PRELID2: variants seen among roughly 807,000 people sequenced by gnomAD.
PRELID2 encodes the protein PRELI domain-containing protein 2.
In PRELID2, 25 loss-of-function variants were observed where a neutral mutation model predicts 28.4. That is an observed-to-expected ratio of 0.88 (90% CI 0.64 to 1.23). PRELID2 has a LOEUF of 1.23. PRELID2 is among the 50% of genes most tolerant of loss of function. The probability of loss-of-function intolerance (pLI) is 0.00; values close to 1 mark genes in which losing one functional copy is unlikely to be tolerated. For synonymous variants in PRELID2, 76 were observed against 71.6 expected, an observed-to-expected ratio of 1.06 and a Z score of -0.31; for missense variants, 201 against 214.4, an observed-to-expected ratio of 0.94 and a Z score of 0.39.
intron 5 of PRELID2, among the ~76,000 whole-genome samples, chr5:145,779,624 A>G (rs1329292527): frequency 6.6e-6 from 1 of 152,214 alleles, no homozygotes; most frequent in Admixed American, 6.5e-5. Flanking sequence ...ACTAGAAGGA[A>G]ATACGCCAAT....
At chr5:145,825,581 A>G (rs962169718) in intron 1 of PRELID2, among the ~76,000 whole-genome samples, 2 of 152,234 alleles carry the variant, frequency 1.3e-5, no homozygotes, top group Non-Finnish European at 2.9e-5. Flanking sequence ...ACTAAACTAT[A>G]AAAGACGTTG....
At chr5:145,580,801 A>AC (rs1471951834) in intron 1 of PRELID2, among the ~76,000 whole-genome samples, 1 of 151,956 alleles carries the variant, frequency 6.6e-6, no homozygotes, top group African/African-American at 2.4e-5. Flanking sequence ...CAGGATATCC[A>AC]CCCGAAGATA....
the PRELID2 span, among the ~76,000 whole-genome samples, chr5:145,250,986 A>G: frequency 4.6e-5 from 7 of 152,282 alleles, no homozygotes; most frequent in African/African-American, 1.7e-4. Context: ...TCAGAAAAAT[A>G]AAAGTTATTT....
At chr5:145,289,893 A>G in the PRELID2 span, among the ~76,000 whole-genome samples, 3 of 152,084 alleles carry the variant, frequency 2.0e-5, no homozygotes, top group Admixed American at 2.0e-4. Flanking sequence ...TGGCATTTGT[A>G]TATGTTTTTT....
intron 1 of PRELID2, among the ~76,000 whole-genome samples, chr5:145,515,969 T>C (rs779925397): frequency 7.9e-5 from 12 of 152,112 alleles, no homozygotes; most frequent in Non-Finnish European, 1.8e-4. Context: ...CTCAATAAAC[T>C]AGGTATCGAT....
At chr5:145,528,644 A>G (rs1580968803) in intron 1 of PRELID2, among the ~76,000 whole-genome samples, 1 of 151,802 alleles carries the variant, frequency 6.6e-6, no homozygotes, top group African/African-American at 2.4e-5. Context: ...AGCCATAGAC[A>G]ATCAAAATGC....
intron 1 of PRELID2, 127 bp downstream of exon 1, chr5:145,835,050 C>T: frequency 1.5e-6 from 1 of 662,082 alleles, no homozygotes; most frequent in South Asian, 1.9e-5. Context: ...ACCCACACAT[C>T]CCTGAAGCAA....
At chr5:145,806,342 C>CA (rs1753507262) in intron 4 of PRELID2, among the ~76,000 whole-genome samples, 1 of 151,880 alleles carries the variant, frequency 6.6e-6, no homozygotes, top group Non-Finnish European at 1.5e-5. Flanking sequence ...GTTAAAAACA[C>CA]AAAAACACAC....
intron 1 of PRELID2, among the ~76,000 whole-genome samples, chr5:145,639,699 TG>T (rs1754064845): frequency 6.6e-6 from 1 of 152,204 alleles, no homozygotes; most frequent in Non-Finnish European, 1.5e-5. Context: ...TGCGTTGGGT[TG>T]GGCCTAAGGG....
chr5:145,249,937 G>GTCTCTCTCTCTC, the PRELID2 span, among the ~76,000 whole-genome samples: 11 of 138,610 alleles, frequency 7.9e-5, no homozygotes, highest in African/African-American at 2.9e-4. Context: ...CTCTCTCTCT[G>GTCTCTCTCTCTC]TCTCTCTCTC....
chr5:145,232,089 G>T, the PRELID2 span, among the ~76,000 whole-genome samples: 1 of 152,194 alleles, frequency 6.6e-6, no homozygotes, highest in Non-Finnish European at 1.5e-5. Context: ...CTAGTGTCTC[G>T]TGTAGAGGTT....
intron 1 of PRELID2, among the ~76,000 whole-genome samples, chr5:145,597,732 A>T (rs1357188062): frequency 2.0e-5 from 3 of 152,210 alleles, no homozygotes; most frequent in African/African-American, 7.2e-5. Flanking sequence ...TCAGAAGGGC[A>T]GGTGAATCTT....
At chr5:145,531,954 T>TA (rs1442187354) in intron 1 of PRELID2, among the ~76,000 whole-genome samples, 1 of 152,192 alleles carries the variant, frequency 6.6e-6, no homozygotes, top group African/African-American at 2.4e-5. Flanking sequence ...GGTTTGCTCC[T>TA]AAGTAAAATG....
chr5:145,426,670 G>T, the PRELID2 span, among the ~76,000 whole-genome samples: 5 of 151,882 alleles, frequency 3.3e-5, no homozygotes, highest in East Asian at 9.7e-4. Context: ...CCTATTGTTG[G>T]GATTGCTATT....
chr5:145,383,808 A>C, the PRELID2 span, among the ~76,000 whole-genome samples: 3 of 152,014 alleles, frequency 2.0e-5, no homozygotes, highest in East Asian at 5.8e-4. Flanking sequence ...AAAGAGGACC[A>C]CAGATTGGCA....
chr5:145,319,008 T>G, the PRELID2 span, among the ~76,000 whole-genome samples: 38 of 152,278 alleles, frequency 2.5e-4, no homozygotes, highest in Non-Finnish European at 5.4e-4. Context: ...TCTCTGACCA[T>G]CCCTAGCCAA....
In PRELID2 at chr5:145,799,333, A is replaced by C. The variant is rs182363535; in HGVS notation, c.369-2786T>G. On this transcript the variant is annotated intron_variant, in intron 4 of 6. Transcript: ENST00000683046. The stretch of plus-strand genomic sequence containing the variant: ...TTCCTAAATAAACAAAAGCTAAGGC[A>C]GCTCATCACCACTACAGATTTGGAT... Among the ~76,000 whole-genome samples, 7 of 152,252 alleles carry C rather than the reference A, an allele frequency of 4.6e-5. No individual in the cohort carries two copies. The East Asian group carries it at 1.4e-3, about 29-fold the overall frequency.
At chr5:145,535,168 C>T (rs770956147) in intron 1 of PRELID2, among the ~76,000 whole-genome samples, 1 of 151,896 alleles carries the variant, frequency 6.6e-6, no homozygotes, top group Non-Finnish European at 1.5e-5. Flanking sequence ...CATACTTAAA[C>T]TTGTTAAAAA....
chr5:145,475,459 A>T (rs985987141), intron 1 of PRELID2, among the ~76,000 whole-genome samples: 2 of 152,154 alleles, frequency 1.3e-5, no homozygotes, highest in Non-Finnish European at 2.9e-5. Context: ...CCCCTTTCCA[A>T]ATCTCAATTT....
Sources: gnomAD v4.1 joint callset for allele counts (sites outside exome capture counted in the v4.1 genomes callset) on GRCh38, gnomAD v4.1.1 for gene constraint, MANE v1.5 for transcripts, NCBI Gene and HGNC (gene_info 2026-07-23, HGNC 2026-07-21) for gene names.